KNTC1: variants seen among roughly 807,000 people sequenced by gnomAD.
KNTC1 encodes kinetochore-associated protein 1.
Under a neutral mutation model 314.4 loss-of-function variants are expected in KNTC1, and 253 were observed. That is an observed-to-expected ratio of 0.80 (90% CI 0.73 to 0.89). KNTC1 has a LOEUF of 0.89. Ranked by LOEUF, KNTC1 falls within the 40% of genes least tolerant of loss-of-function variation. The pLI is 0.00. For missense variants in KNTC1, 2,475 were observed against 2,572.9 expected (o/e 0.96, Z 0.82); for synonymous variants, 901 against 901.4 (o/e 1.00, Z 0.01).
intron 8 of KNTC1, among the ~76,000 whole-genome samples, chr12:122,545,528 T>A (rs926618099): frequency 7.9e-5 from 12 of 152,336 alleles, no homozygotes; most frequent in African/African-American, 2.2e-4. Context: ...TTTATAAATT[T>A]TTTTTCCAAA....
At chr12:122,534,826 C>T in intron 3 of KNTC1, 42 bp downstream of exon 3, 1 of 1,584,876 alleles carries the variant, frequency 6.3e-7, no homozygotes, top group Non-Finnish European at 8.6e-7. Flanking sequence ...AATTGGAAGT[C>T]AAATACATCT....
At chr12:122,552,289 A>G (rs955063048) in intron 16 of KNTC1, among the ~76,000 whole-genome samples, 2 of 152,086 alleles carry the variant, frequency 1.3e-5, no homozygotes, top group African/African-American at 4.8e-5. Flanking sequence ...GGATAGAATG[A>G]GGGGGACTTG....
chr12:122,570,727 C>T (rs544178941), intron 22 of KNTC1, 149 bp from the exon 23 acceptor site: 18 of 596,304 alleles, frequency 3.0e-5, no homozygotes, highest in African/African-American at 1.9e-4. Flanking sequence ...ACACCTACTA[C>T]GTGCCCACAC....
At chr12:122,615,433 TG>T (rs1237294365) in intron 56 of KNTC1, 36 bp from the exon 57 acceptor site, 3 of 1,457,500 alleles carry the variant, frequency 2.1e-6, no homozygotes, top group Non-Finnish European at 2.8e-6. Context: ...TCCATTTTGG[TG>T]GTCTTTAGAA....
intron 16 of KNTC1, 134 bp from the exon 17 acceptor site, chr12:122,557,250 T>A (rs1253526315): frequency 1.2e-5 from 9 of 782,422 alleles, no homozygotes; most frequent in Non-Finnish European, 1.6e-5. Context: ...TTACTTTCTT[T>A]AAATCTCATT....
At chr12:122,551,740 T>A (rs1167282881) in intron 16 of KNTC1, 44 bp downstream of exon 16, 1 of 1,408,568 alleles carries the variant, frequency 7.1e-7, no homozygotes, top group Admixed American at 1.7e-5. Context: ...AAGCATTTCG[T>A]CATGGGCTAG....
intron 53 of KNTC1, among the ~76,000 whole-genome samples, chr12:122,612,465 G>A (rs1873270508): frequency 6.9e-6 from 1 of 145,858 alleles, no homozygotes; most frequent in Non-Finnish European, 1.5e-5. Flanking sequence ...TGCCCAGGTT[G>A]GAGTAGTGCA....
Position 122,540,023 on chromosome 12 carries a change from A to T in KNTC1, c.445+269A>T, listed in dbSNP as rs535107983. ...TCAAGCTCCTGACCTCAAGTGAGTGATCCACCTGCCTCGGCCTCCCAAAGT... is the reference window on the plus strand; with the variant it reads ...TCAAGCTCCTGACCTCAAGTGAGTGTTCCACCTGCCTCGGCCTCCCAAAGT... On this transcript the variant is annotated intron_variant, in intron 5 of 63. Transcript: ENST00000333479. Among the ~76,000 whole-genome samples the T allele has an allele frequency of 3.4e-4, 52 of 151,728 alleles. 1 individual carries two copies. In the South Asian group the frequency reaches 0.01, roughly 30 times the overall value.
Position 122,547,958 on chromosome 12 carries a change from G to T in KNTC1, c.976G>T (p.Ala326Ser), listed in dbSNP as rs116477881. ...CAAATTAATAGCTCTGACAGCTTCA[G>T]CTAATAAGAAGGTATTGGAAAATTT... ...NLKLIALTAS[A>S]NKKMKNLMVY... The change falls in exon 12 of 64, where the codon GCT becomes TCT. Residue 326 changes from alanine (A) to serine (S), a missense_variant. Coordinates refer to ENST00000333479, the MANE Select transcript of KNTC1 (RefSeq NM_014708.6). 2 of 1,550,478 alleles carry T rather than the reference G, an allele frequency of 1.3e-6. No homozygotes were observed. The highest frequency in any genetic ancestry group is 1.2e-5 in the South Asian group (1 of 80,788).
Position 122,546,658 on chromosome 12 carries a change from T to C in KNTC1, c.800T>C (p.Phe267Ser). The change falls in exon 10 of 64, where the codon TTT becomes TCT. Residue 267 changes from phenylalanine (F) to serine (S), a missense_variant. Transcript: ENST00000333479. Reference protein sequence around the residue: ...KKFQLIDNLLFVLDTDNVLSL... With the variant: ...KKFQLIDNLLSVLDTDNVLSL... ...TTCCAGCTGATAGACAATCTACTTTTTGTTCTTGATACTGATGTATGTTTC... is the reference window on the plus strand; with the variant it reads ...TTCCAGCTGATAGACAATCTACTTTCTGTTCTTGATACTGATGTATGTTTC... 6.3e-7 allele frequency: 1 copy of C among 1,581,110 alleles called. No homozygotes were observed. The highest frequency in any genetic ancestry group is 8.6e-7 in the Non-Finnish European group (1 of 1,157,786).
rs1964003794 is a variant in KNTC1 at position 122,561,954 on chromosome 12, T to A, written c.1522T>A (p.Tyr508Asn). ...GAAAGAAGATAAAACTGCTCTCATT[T>A]ATTCTGATGGCTTGAAAGAGGTAAT... ...LKKEDKTALI[Y>N]SDGLKEVLRA... Residue 508 changes from tyrosine (Y) to asparagine (N), a missense_variant, in exon 19 of 64, where the codon TAT becomes AAT. Physicochemically the swap from Tyr to Asn is moderately radical, Grantham distance 143 (BLOSUM62 -2). Transcript: ENST00000333479. 1 of 1,596,182 alleles carries A rather than the reference T, an allele frequency of 6.3e-7. No individual in the cohort carries two copies. Among genetic ancestry groups the A allele is most frequent in the African/African-American group, 1.3e-5 (1 of 74,614 alleles).
Position 122,594,392 on chromosome 12 carries a change from C to G in KNTC1, c.4355+7C>G, listed in dbSNP as rs769618395. On this transcript the variant is annotated splice_region_variant and intron_variant, in intron 43 of 63. Transcript: ENST00000333479. ...TCATTTTGGAATATTGCAGGTAATT[C>G]TTTAAACATTAACGGTATTTTTGCT... The G allele has an allele frequency of 7.0e-7, 1 of 1,428,202 alleles. No homozygotes were observed. The highest frequency in any genetic ancestry group is 1.4e-5 in the African/African-American group (1 of 70,610). The allele number at this position is 1,428,202 out of a possible 1,614,324, so 88.5% of individuals were successfully genotyped here. A position where few individuals can be genotyped will look rare whatever the true frequency, so the allele number is the denominator to read the frequency against.
chr12:122,594,692 C>T (rs918168353), intron 43 of KNTC1, among the ~76,000 whole-genome samples: 4 of 152,246 alleles, frequency 2.6e-5, no homozygotes, highest in African/African-American at 9.6e-5. Flanking sequence ...GCCTAGAAAT[C>T]GCTGGTCTCT....
At chr12:122,604,513 A>G in intron 48 of KNTC1, 51 bp from the exon 49 acceptor site, 1 of 1,071,606 alleles carries the variant, frequency 9.3e-7, no homozygotes, top group Non-Finnish European at 1.3e-6. Flanking sequence ...TCTTGAAAAG[A>G]TTAAGATTTG....
Position 122,620,644 on chromosome 12 carries a change from A to G in KNTC1, c.6279+36A>G, listed in dbSNP as rs7298002. On this transcript the variant is annotated intron_variant, in intron 60 of 63. Transcript: ENST00000333479. The stretch of plus-strand genomic sequence containing the variant: ...CATGATTCCTCTGGGCTGCCAAGGA[A>G]ATAGAAGGTTTCATCTTGCATGTCC... 2,185 of 1,603,592 alleles carry G rather than the reference A, an allele frequency of 1.4e-3. 24 individuals are homozygous for G. In the African/African-American group the frequency reaches 0.026, roughly 19 times the overall value.
At position 122,538,410 on chromosome 12, in the gene KNTC1, C is replaced by G. The variant is rs1419688241; in HGVS notation, c.322C>G (p.Leu108Val). The change falls in exon 4 of 64, where the codon CTA (leucine) becomes GTA (valine). Residue 108 changes from leucine (L) to valine (V), a missense_variant. Coordinates refer to ENST00000333479, the MANE Select transcript of KNTC1 (RefSeq NM_014708.6). ...TTTGGTTGGCGAGAGAAGTGGCAAC[C>G]TACATCTTATTCATGTAACATCAAA... Reference protein sequence around the residue: ...FLLVGERSGNLHLIHVTSKQT... With the variant: ...FLLVGERSGNVHLIHVTSKQT... 3 of 1,604,448 alleles carry G rather than the reference C, an allele frequency of 1.9e-6. No homozygotes were observed. Among genetic ancestry groups the G allele is most frequent in the African/African-American group, 2.7e-5 (2 of 74,776 alleles).
In KNTC1 at chr12:122,582,756, G is replaced by A. The variant is rs201981485; in HGVS notation, c.3034G>A (p.Val1012Ile). ...TGAAGATTATAGCAATAGTTCCCTG[G>A]TAGCAGATCTCCGTGAGCAGCACAT... ...SFEDYSNSSL[V>I]ADLREQHIKA... is the part of the protein sequence containing the mutation. The change falls in exon 34 of 64, where the codon GTA (valine) becomes ATA (isoleucine). Residue 1012 changes from valine to isoleucine, a missense_variant. Physicochemically the swap from Val to Ile is conservative, Grantham distance 29. Transcript: ENST00000333479. 1 of 1,612,262 alleles carries A rather than the reference G, an allele frequency of 6.2e-7. No individual in the cohort carries two copies. The highest frequency in any genetic ancestry group is 8.5e-7 in the Non-Finnish European group (1 of 1,179,574).
At position 122,544,186 on chromosome 12, in the gene KNTC1, A is replaced by G. The variant is rs758410427; in HGVS notation, c.586A>G (p.Ile196Val). ...KLQGQIKSSFISTENYHTLGC... is the reference protein window; with the variant it reads ...KLQGQIKSSFVSTENYHTLGC... ...ACAAGGACAAATCAAGTCCAGTTTT[A>G]TTTCTACTGAAAATTATCATACTCT... The change falls in exon 8 of 64, where the codon ATT becomes GTT. Residue 196 changes from isoleucine to valine, a missense_variant. Physicochemically the swap from Ile to Val is conservative, Grantham distance 29 (BLOSUM62 3). Transcript: ENST00000333479. The G allele has an allele frequency of 1.3e-6, 2 of 1,573,158 alleles. No individual in the cohort carries two copies. Among genetic ancestry groups the G allele is most frequent in the Non-Finnish European group, 1.7e-6 (2 of 1,162,602 alleles).
chr12:122,574,866 A>G (rs1964915322), intron 27 of KNTC1, among the ~76,000 whole-genome samples: 2 of 152,236 alleles, frequency 1.3e-5, no homozygotes, highest in Admixed American at 1.3e-4. Context: ...ATTCGCTGCA[A>G]TGTGAGACAT....
Sources: allele counts gnomAD v4.1 joint callset (sites outside exome capture counted in the v4.1 genomes callset), GRCh38; gene constraint gnomAD v4.1.1; transcripts MANE v1.5; gene names NCBI Gene and HGNC (gene_info 2026-07-23, HGNC 2026-07-21).